The following ANKRD11 variants were observed in gnomAD, a reference collection of about 807,000 sequenced individuals.
The protein encoded by ANKRD11 is ankyrin repeat domain 11.
A neutral mutation model predicts 195.7 loss-of-function variants in ANKRD11; 17 were observed. The observed-to-expected ratio is 0.09, with a 90% CI of 0.06 to 0.13. The LOEUF (loss-of-function observed/expected upper bound fraction) is 0.13, where lower values mean the gene tolerates loss of function less well. Among genes scored for constraint, ANKRD11 ranks in the 10% least tolerant of loss-of-function variants. The pLI is 1.00. For synonymous variants in ANKRD11, 1,953 were observed against 1,528.1 expected (o/e 1.28, Z -6.49); for missense variants, 3,735 against 3,566.1 (o/e 1.05, Z -1.21).
At position 89,283,517 on chromosome 16, in the gene ANKRD11, T is replaced by C. The variant is rs2034430006; in HGVS notation, c.3025A>G (p.Lys1009Glu). The change falls in exon 9 of 13, where the codon AAG (lysine) becomes GAG (glutamate). Residue 1009 changes from lysine (K) to glutamate (E), a missense_variant. Lys to Glu is a moderately conservative substitution (Grantham distance 56, BLOSUM62 1). Transcript: ENST00000301030. The surrounding 1 kb of genome is among the most constrained non-coding windows in gnomAD (Gnocchi z 4.3). ...TTATCGGGGCCATCCTTCTTCTCCT[T>C]CTCTCGTGCTGGGTGGTGCCGTTCC... is the stretch of plus-strand genomic sequence containing the variant. ...PWERHHPARE[K>E]EKKDGPDKER... 6.2e-7 allele frequency: 1 copy of C among 1,613,604 alleles called. No homozygotes were observed.
intron 1 of ANKRD11, chr16:89,420,313 A>G (rs1242507675): frequency 6.6e-6 from 1 of 152,196 alleles, no homozygotes; most frequent in Non-Finnish European, 1.5e-5. Context: ...GCTCACTGCC[A>G]CTGGCATTTG....
intron 1 of ANKRD11, among the ~76,000 whole-genome samples, chr16:89,465,162 G>A (rs1159168787): frequency 1.3e-5 from 2 of 152,238 alleles, no homozygotes; most frequent in Non-Finnish European, 2.9e-5. Flanking sequence ...CTGAAGAGCT[G>A]TCAGAGAACA....
At chr16:89,458,559 T>C (rs2056535833) in intron 1 of ANKRD11, among the ~76,000 whole-genome samples, 1 of 152,202 alleles carries the variant, frequency 6.6e-6, no homozygotes, top group Non-Finnish European at 1.5e-5. Flanking sequence ...CATTTTACAT[T>C]AAAGAAAATA....
chr16:89,307,520 G>A (rs1248821013), intron 3 of ANKRD11, among the ~76,000 whole-genome samples: 1 of 152,218 alleles, frequency 6.6e-6, no homozygotes, highest in Non-Finnish European at 1.5e-5. Flanking sequence ...GGAGGAGGGT[G>A]CCAGACGGGT....
intron 4 of ANKRD11, among the ~76,000 whole-genome samples, chr16:89,302,471 T>G (rs2035918084): frequency 6.6e-6 from 1 of 152,186 alleles, no homozygotes; most frequent in East Asian, 1.9e-4. Context: ...CAGGCTGGTC[T>G]CGAACTCCTG....
chr16:89,459,039 G>C (rs1233865406), intron 1 of ANKRD11: 1 of 161,256 alleles, frequency 6.2e-6, no homozygotes, highest in Non-Finnish European at 1.4e-5. Flanking sequence ...AACAAGGGAA[G>C]ACTGTGCTAG....
In ANKRD11 at chr16:89,295,985, C is replaced by CTTTTTTTTTTTTTTT. The variant is rs60214636; in HGVS notation, c.227-4817_227-4803dup. 4.2e-3 allele frequency among the ~76,000 whole-genome samples: 189 copies of CTTTTTTTTTTTTTTT among 45,148 alleles called. 72 individuals are homozygous for CTTTTTTTTTTTTTTT. The highest frequency in any genetic ancestry group is 0.05 in the Middle Eastern group (2 of 40). The allele number at this position is 45,148 out of a possible 152,430, so 29.6% of individuals were successfully genotyped here. On this transcript the variant is annotated intron_variant, in intron 4 of 12. Coordinates refer to ENST00000301030, the MANE Select transcript of ANKRD11 (RefSeq NM_013275.6). The stretch of plus-strand genomic sequence containing the variant: ...GGGAGTGTCTTCTCTATCTGGCTGC[C>CTTTTTTTTTTTTTTT]TTTTTTTTTTTTTTTTTTTTTGAGA...
chr16:89,461,122 T>C (rs1326861004), intron 1 of ANKRD11, among the ~76,000 whole-genome samples: 3 of 105,014 alleles, frequency 2.9e-5, no homozygotes, highest in African/African-American at 7.7e-5. Flanking sequence ...CCCCCTCCCA[T>C]AGGAGACGCA....
intron 2 of ANKRD11, among the ~76,000 whole-genome samples, chr16:89,351,805 G>A (rs568455223): frequency 6.6e-6 from 1 of 152,340 alleles, no homozygotes; most frequent in South Asian, 2.1e-4. Context: ...CAATGTTCTA[G>A]AACTGACAGT....
At chr16:89,305,768 C>T (rs2036173078) in intron 3 of ANKRD11, among the ~76,000 whole-genome samples, 1 of 140,014 alleles carries the variant, frequency 7.1e-6, no homozygotes, top group East Asian at 2.2e-4. Context: ...CAGACACGCG[C>T]CACCTCCCAC....
chr16:89,485,142 A>C (rs2057565590), intron 1 of ANKRD11, among the ~76,000 whole-genome samples: 1 of 152,116 alleles, frequency 6.6e-6, no homozygotes, highest in Non-Finnish European at 1.5e-5. Flanking sequence ...TTTTATTTTC[A>C]CACTGAAAAC....
intron 2 of ANKRD11, among the ~76,000 whole-genome samples, chr16:89,384,372 A>C (rs1397279449): frequency 6.6e-6 from 1 of 152,210 alleles, no homozygotes; most frequent in Non-Finnish European, 1.5e-5. Context: ...CTCTATGAAA[A>C]ATACAAAAAT....
chr16:89,412,427 A>G (rs573313392), intron 2 of ANKRD11: 1 of 152,774 alleles, frequency 6.5e-6, no homozygotes, highest in Admixed American at 6.5e-5. Flanking sequence ...GCCACACCGG[A>G]CCCTCCATCT....
intron 2 of ANKRD11, among the ~76,000 whole-genome samples, chr16:89,411,324 C>T (rs1261474295): frequency 2.0e-5 from 3 of 152,128 alleles, no homozygotes; most frequent in Admixed American, 1.3e-4. Flanking sequence ...TCCCTGCACA[C>T]AGCGGTGGGA....
Position 89,281,215 on chromosome 16 carries a change from C to T in ANKRD11, c.5327G>A (p.Ser1776Asn). ...VASSGLSENA[S>N]QAPARPLSTN... is the part of the protein sequence containing the mutation. ...GGAGAGAGGCCTGGCAGGAGCCTGG[C>T]TGGCGTTTTCCGAAAGCCCACTTGA... The change falls in exon 9 of 13, where the codon AGC becomes AAC. Residue 1776 changes from serine to asparagine, a missense_variant. Transcript: ENST00000301030. This position sits in a 1 kb window ranked among gnomAD's most constrained non-coding sequence, Gnocchi z 5.5. 1 of 1,614,180 alleles carries T rather than the reference C, an allele frequency of 6.2e-7. No homozygotes were observed. Among genetic ancestry groups the T allele is most frequent in the Non-Finnish European group, 8.5e-7 (1 of 1,180,028 alleles).
At chr16:89,439,722 G>A (rs2043363810) in intron 1 of ANKRD11, among the ~76,000 whole-genome samples, 4 of 152,282 alleles carry the variant, frequency 2.6e-5, no homozygotes, top group South Asian at 2.1e-4. Flanking sequence ...ATCCACCTCA[G>A]ATCTATTCTT....
chr16:89,309,281 A>G (rs1388725450), intron 3 of ANKRD11, among the ~76,000 whole-genome samples: 1 of 152,230 alleles, frequency 6.6e-6, no homozygotes, highest in Non-Finnish European at 1.5e-5. Flanking sequence ...AAATCCTGCA[A>G]GTCAGACACT....
chr16:89,316,809 C>A, intron 3 of ANKRD11, 124 bp downstream of exon 3: 1 of 1,195,840 alleles, frequency 8.4e-7, no homozygotes. Flanking sequence ...CTCCTGGCTG[C>A]AGACAGAGGC....
rs1257714722 is a variant in ANKRD11, at chr16:89,384,874, G to GTTTTTTTTTTTTTTTT, written c.-60+33409_-60+33410insAAAAAAAAAAAAAAAA. On this transcript the variant is annotated intron_variant, in intron 2 of 12. Coordinates refer to ENST00000301030, the MANE Select transcript of ANKRD11 (RefSeq NM_013275.6). ...GTGTGGGAGCACACAATGAGAAATAGTTTTCTTTTTTTTTTTTTTTTTTTT... is the reference window on the plus strand; with the variant it reads ...GTGTGGGAGCACACAATGAGAAATAGTTTTTTTTTTTTTTTTTTTTCTTTTTTTTTTTTTTTTTTTT... Among the ~76,000 whole-genome samples, 4 of 72,762 alleles carry GTTTTTTTTTTTTTTTT rather than the reference G, an allele frequency of 5.5e-5. 1 individual carries two copies. The highest frequency in any genetic ancestry group is 3.4e-4 in the Admixed American group (2 of 5,970). 47.7% of individuals were successfully genotyped at this position (72,762 alleles called of 152,430 possible). A position where few individuals can be genotyped will look rare whatever the true frequency, so the allele number is the denominator to read the frequency against.
Sources: gnomAD v4.1 joint callset for allele counts (sites outside exome capture counted in the v4.1 genomes callset) on GRCh38, gnomAD v4.1.1 for gene constraint, Gnocchi (gnomAD v3.1) non-coding constraint, MANE v1.5 for transcripts, NCBI Gene and HGNC (gene_info 2026-07-23, HGNC 2026-07-21) for gene names.